The following FKBP5 variants were observed in gnomAD, a reference collection of about 807,000 sequenced individuals.
FKBP5 encodes peptidyl-prolyl cis-trans isomerase FKBP5.
A neutral mutation model predicts 50.5 loss-of-function variants in FKBP5; 23 were observed. The observed-to-expected ratio is 0.46, with a 90% CI of 0.33 to 0.65. FKBP5 has a LOEUF of 0.65. FKBP5 is among the 30% of genes least tolerant of loss of function. FKBP5 has a pLI of 0.02. For synonymous variants in FKBP5, 176 were observed against 190.6 expected (o/e 0.92, Z 0.63); for missense variants, 411 against 553.1 (o/e 0.74, Z 2.58).
At chr6:35,658,535 A>G (rs1399593721) in intron 1 of FKBP5, among the ~76,000 whole-genome samples, 1 of 152,186 alleles carries the variant, frequency 6.6e-6, no homozygotes, top group Non-Finnish European at 1.5e-5. Flanking sequence ...ACCCTTTATC[A>G]TATTGAGAAG....
chr6:35,620,369 C>G lies in FKBP5; in HGVS notation c.251-95G>C. ...AAGTTCTAATTTCCAGTTTTTCATA[C>G]TACATACTCAGCTAGAAAGTATGGG... On this transcript the variant is annotated intron_variant, in intron 3 of 10. Coordinates refer to ENST00000357266, the MANE Select transcript of FKBP5 (RefSeq NM_004117.4). The G allele has an allele frequency of 1.6e-6, 2 of 1,282,180 alleles. 1 individual carries two copies. The highest frequency in any genetic ancestry group is 2.8e-5 in the South Asian group (2 of 71,248). The allele number at this position is 1,282,180 out of a possible 1,614,324, so 79.4% of individuals were successfully genotyped here.
At position 35,620,117 on chromosome 6, in the gene FKBP5, C is replaced by G. The variant is rs1196312084; in HGVS notation, c.393+15G>C. On this transcript the variant is annotated intron_variant, in intron 4 of 10. Coordinates refer to ENST00000357266, the MANE Select transcript of FKBP5 (RefSeq NM_004117.4). ...AGAGCAGATGCTGACAAGGCAACAT[C>G]ACACACATACTTGCCTCAAAAAAGA... is the stretch of plus-strand genomic sequence containing the variant. 1.2e-6 allele frequency: 2 copies of G among 1,613,910 alleles called. No homozygotes were observed. The highest frequency in any genetic ancestry group is 1.7e-6 in the Non-Finnish European group (2 of 1,179,954).
chr6:35,631,977 G>T (rs553233411), intron 3 of FKBP5, among the ~76,000 whole-genome samples: 1,720 of 148,104 alleles, frequency 0.012, 10 homozygotes, highest in Middle Eastern at 0.022. Context: ...AAAAAAAAAG[G>T]GTAGAAATAA....
chr6:35,694,794 G>A (rs1382337002), intron 2 of FKBP5, among the ~76,000 whole-genome samples: 1 of 152,068 alleles, frequency 6.6e-6, no homozygotes, highest in Non-Finnish European at 1.5e-5. Context: ...TTTTAGTTAT[G>A]TATTGCTTCA....
intron 3 of FKBP5, among the ~76,000 whole-genome samples, chr6:35,622,494 G>C (rs1763875511): frequency 6.6e-6 from 1 of 151,208 alleles, no homozygotes; most frequent in Admixed American, 6.6e-5. Flanking sequence ...CTAGGTGACA[G>C]AGCGAGACCC....
chr6:35,668,651 T>C (rs1765296112), intron 1 of FKBP5, among the ~76,000 whole-genome samples: 1 of 152,090 alleles, frequency 6.6e-6, no homozygotes, highest in Non-Finnish European at 1.5e-5. Context: ...ATTATTATAC[T>C]TTAAGTTTTA....
chr6:35,655,516 T>C (rs553700076), intron 1 of FKBP5, among the ~76,000 whole-genome samples: 1 of 152,290 alleles, frequency 6.6e-6, no homozygotes, highest in South Asian at 2.1e-4. Flanking sequence ...CAAGGTAACA[T>C]ATGAGAAAAG....
intron 1 of FKBP5, among the ~76,000 whole-genome samples, chr6:35,685,591 T>C (rs1195470299): frequency 1.3e-5 from 2 of 152,236 alleles, no homozygotes; most frequent in Non-Finnish European, 2.9e-5. Flanking sequence ...ATATGTATAA[T>C]ATAGATTATT....
intron 1 of FKBP5, among the ~76,000 whole-genome samples, chr6:35,679,101 AAAT>A (rs1765599430): frequency 6.6e-6 from 1 of 152,202 alleles, no homozygotes; most frequent in Non-Finnish European, 1.5e-5. Flanking sequence ...TATGAAATAC[AAAT>A]AACCAAAATG....
chr6:35,642,671 T>C lies in FKBP5; in HGVS notation c.105+49A>G, dbSNP rs763497862. 23 of 1,453,892 alleles carry C rather than the reference T, an allele frequency of 1.6e-5. No homozygotes were observed. The South Asian group carries it at 1.7e-4, about 11-fold the overall frequency. 90.1% of individuals were successfully genotyped at this position (1,453,892 alleles called of 1,614,324 possible). A position where few individuals can be genotyped will look rare whatever the true frequency, so the allele number is the denominator to read the frequency against. On this transcript the variant is annotated intron_variant, in intron 2 of 10. Coordinates refer to ENST00000357266, the MANE Select transcript of FKBP5 (RefSeq NM_004117.4). ...CCCCTCAGAAAGAGATGCTATAATCTTTCCAGACAGCAGGTTTCCTTGTAT... is the reference window on the plus strand; with the variant it reads ...CCCCTCAGAAAGAGATGCTATAATCCTTCCAGACAGCAGGTTTCCTTGTAT...
chr6:35,672,486 A>G (rs1765415115), intron 1 of FKBP5, among the ~76,000 whole-genome samples: 1 of 150,434 alleles, frequency 6.6e-6, no homozygotes, highest in Non-Finnish European at 1.5e-5. Context: ...TTTTTTTTTA[A>G]AGAAATAATG....
chr6:35,671,600 G>A (rs1045201040), intron 1 of FKBP5, among the ~76,000 whole-genome samples: 2 of 151,938 alleles, frequency 1.3e-5, no homozygotes, highest in Non-Finnish European at 2.9e-5. Context: ...GAATTGCAGG[G>A]TAAATACCTA....
upstream of FKBP5, among the ~76,000 whole-genome samples, chr6:35,689,114 T>A (rs779434247): frequency 6.6e-6 from 1 of 152,010 alleles, no homozygotes; most frequent in African/African-American, 2.4e-5. Context: ...CATCATTTGC[T>A]CCTCCACCTC....
At chr6:35,601,673 T>C (rs760671281) in intron 5 of FKBP5, among the ~76,000 whole-genome samples, 7 of 152,192 alleles carry the variant, frequency 4.6e-5, no homozygotes, top group Non-Finnish European at 8.8e-5. Context: ...ACTAACTTAA[T>C]AAATATTTAA....
intron 7 of FKBP5, among the ~76,000 whole-genome samples, chr6:35,590,070 G>A (rs1309980650): frequency 6.6e-6 from 1 of 152,206 alleles, no homozygotes; most frequent in Non-Finnish European, 1.5e-5. Flanking sequence ...GGCCAAGGCA[G>A]GAGGATGGCT....
At chr6:35,583,445 C>T (rs1762506043) in intron 8 of FKBP5, 1 of 985,292 alleles carries the variant, frequency 1.0e-6, no homozygotes. Context: ...TCACATAGGG[C>T]ATTTTAATTT....
intron 5 of FKBP5, among the ~76,000 whole-genome samples, chr6:35,601,878 T>G (rs1458052720): frequency 6.6e-6 from 1 of 152,090 alleles, no homozygotes; most frequent in Non-Finnish European, 1.5e-5. Context: ...AGACAACATT[T>G]TTTTCTTGAC....
intron 1 of FKBP5, among the ~76,000 whole-genome samples, chr6:35,677,142 C>G (rs1358724947): frequency 6.6e-6 from 1 of 152,060 alleles, no homozygotes; most frequent in Non-Finnish European, 1.5e-5. Context: ...GGCGCAATCT[C>G]GGCTCACTGC....
chr6:35,649,026 C>T (rs1054992911), intron 1 of FKBP5, among the ~76,000 whole-genome samples: 4 of 151,948 alleles, frequency 2.6e-5, no homozygotes, highest in Non-Finnish European at 2.9e-5. Context: ...CCAAGGCAGA[C>T]GGATCACAAA....
Sources: gnomAD v4.1 joint callset for allele counts (sites outside exome capture counted in the v4.1 genomes callset) on GRCh38, gnomAD v4.1.1 for gene constraint, MANE v1.5 for transcripts, NCBI Gene and HGNC (gene_info 2026-07-23, HGNC 2026-07-21) for gene names.